MED12L: variants seen among roughly 807,000 people sequenced by gnomAD.
The protein encoded by MED12L is mediator complex subunit 12L, also known as mediator of RNA polymerase II transcription subunit 12-like protein.
A neutral mutation model predicts 281.3 loss-of-function variants in MED12L; 60 were observed. That is an observed-to-expected ratio of 0.21 (90% confidence interval 0.17 to 0.26). The LOEUF (loss-of-function observed/expected upper bound fraction) is 0.26, where lower values mean the gene tolerates loss of function less well. Ranked by LOEUF, MED12L falls within the 10% of genes least tolerant of loss-of-function variation. The pLI, the probability that MED12L is intolerant of heterozygous loss-of-function variation, is 1.00. For missense variants in MED12L, 2,146 were observed against 2,680.9 expected, an observed-to-expected ratio of 0.80 and a Z score of 4.41; for synonymous variants, 974 against 987.2, an observed-to-expected ratio of 0.99 and a Z score of 0.25.
intron 21 of MED12L, among the ~76,000 whole-genome samples, chr3:151,362,791 A>G (rs1052198086): frequency 4.6e-5 from 7 of 152,204 alleles, no homozygotes; most frequent in Non-Finnish European, 7.3e-5. Flanking sequence ...GTGTGAAAAT[A>G]TGAAATGGGT....
At chr3:151,125,793 A>AT (rs1240472483) in intron 4 of MED12L, among the ~76,000 whole-genome samples, 2 of 152,154 alleles carry the variant, frequency 1.3e-5, no homozygotes, top group African/African-American at 4.8e-5. Flanking sequence ...TGTAAGCCTG[A>AT]TTTTCAGGAA....
chr3:151,140,406 C>T (rs1212740760), intron 5 of MED12L, among the ~76,000 whole-genome samples: 3 of 152,146 alleles, frequency 2.0e-5, no homozygotes, highest in Non-Finnish European at 4.4e-5. Flanking sequence ...CCCCTTTCTC[C>T]CCCTCCACCA....
chr3:151,294,454 G>A, intron 16 of MED12L: 1 of 1,614,234 alleles, frequency 6.2e-7, no homozygotes, highest in Non-Finnish European at 8.5e-7. Context: ...ATGGTAGAAA[G>A]CAGGTAAAAA....
chr3:151,294,604 CA>C, intron 16 of MED12L: 1 of 1,614,186 alleles, frequency 6.2e-7, no homozygotes, highest in Non-Finnish European at 8.5e-7. Flanking sequence ...CGGCCACAAA[CA>C]AGCAGCTGTT....
chr3:151,149,031 GAAAT>G (rs1335331584), intron 5 of MED12L, among the ~76,000 whole-genome samples: 1 of 152,112 alleles, frequency 6.6e-6, no homozygotes. Flanking sequence ...AACTACAAAA[GAAAT>G]AAGTTTGTTT....
chr3:151,293,627 AATGAAG>A, intron 16 of MED12L, among the ~76,000 whole-genome samples: 8 of 66,520 alleles, frequency 1.2e-4, no homozygotes, highest in African/African-American at 2.8e-4. Context: ...ACGGTCCTAA[AATGAAG>A]CCCTTACACA....
At chr3:151,106,535 T>G (rs981805641) in intron 2 of MED12L, among the ~76,000 whole-genome samples, 1 of 152,138 alleles carries the variant, frequency 6.6e-6, no homozygotes, top group African/African-American at 2.4e-5. Flanking sequence ...AGCTCTTTAC[T>G]TGGTTCACAG....
chr3:151,282,371 T>G (rs1469649878), intron 16 of MED12L, among the ~76,000 whole-genome samples: 1 of 152,052 alleles, frequency 6.6e-6, no homozygotes, highest in East Asian at 1.9e-4. Flanking sequence ...TTTTTTTGTT[T>G]GTTTGTTTGT....
chr3:151,364,928 A>T, intron 21 of MED12L, 51 bp from the exon 22 acceptor site: 2 of 1,265,534 alleles, frequency 1.6e-6, no homozygotes, highest in Non-Finnish European at 2.3e-6. Context: ...ATAGTTTTCT[A>T]GTTATTCTAG....
At chr3:151,103,680 A>G (rs957954637) in intron 2 of MED12L, among the ~76,000 whole-genome samples, 2 of 152,228 alleles carry the variant, frequency 1.3e-5, no homozygotes, top group East Asian at 1.9e-4. Context: ...TTGTATCACA[A>G]CTGATTTCCA....
intron 32 of MED12L, among the ~76,000 whole-genome samples, chr3:151,382,319 C>G (rs910050167): frequency 6.6e-6 from 1 of 152,152 alleles, no homozygotes; most frequent in South Asian, 2.1e-4. Flanking sequence ...TTCTCTCTCT[C>G]CAGTGTTTTT....
chr3:151,131,415 A>T (rs1054107982), intron 5 of MED12L, among the ~76,000 whole-genome samples: 12 of 152,170 alleles, frequency 7.9e-5, no homozygotes, highest in Non-Finnish European at 1.3e-4. Flanking sequence ...AATCTAGGCA[A>T]CATAGTGAGA....
intron 5 of MED12L, among the ~76,000 whole-genome samples, chr3:151,140,276 T>G (rs749481867): frequency 1.3e-5 from 2 of 152,206 alleles, no homozygotes; most frequent in Admixed American, 6.5e-5. Flanking sequence ...AACATAAAAT[T>G]TACCATTGTA....
intron 38 of MED12L, among the ~76,000 whole-genome samples, chr3:151,390,995 G>A (rs1315142276): frequency 2.6e-5 from 4 of 152,046 alleles, no homozygotes; most frequent in African/African-American, 9.7e-5. Context: ...ATTTCTCTGT[G>A]CCTCATTTTG....
intron 39 of MED12L, among the ~76,000 whole-genome samples, chr3:151,404,990 T>G (rs1716124700): frequency 6.6e-6 from 1 of 152,200 alleles, no homozygotes; most frequent in Non-Finnish European, 1.5e-5. Context: ...CATTAAAAAT[T>G]TAAAACTTAT....
chr3:151,109,467 C>T (rs1276357874), intron 2 of MED12L, among the ~76,000 whole-genome samples: 1 of 152,178 alleles, frequency 6.6e-6, no homozygotes, highest in Non-Finnish European at 1.5e-5. Flanking sequence ...CTGTCTCCCT[C>T]GAATTGCTTT....
intron 16 of MED12L, among the ~76,000 whole-genome samples, chr3:151,280,530 C>T (rs1002410112): frequency 6.6e-6 from 1 of 152,124 alleles, no homozygotes; most frequent in African/African-American, 2.4e-5. Context: ...CCTCTGATTT[C>T]ATTTGTTGGT....
chr3:151,388,583 G>C (rs6798637), intron 37 of MED12L, among the ~76,000 whole-genome samples: 57,016 of 151,954 alleles, frequency 0.38, 11,173 homozygotes, highest in Middle Eastern at 0.48. Flanking sequence ...GCTCTATTTG[G>C]TTTTTCTTTG....
chr3:151,348,074 C>T (rs1319812473), intron 16 of MED12L, among the ~76,000 whole-genome samples: 2 of 152,228 alleles, frequency 1.3e-5, no homozygotes, highest in Non-Finnish European at 2.9e-5. Flanking sequence ...ATCTGTGCTC[C>T]TTGAAGACAG....
Sources: gnomAD v4.1 joint callset for allele counts (sites outside exome capture counted in the v4.1 genomes callset) on GRCh38, gnomAD v4.1.1 for gene constraint, MANE v1.5 for transcripts, NCBI Gene and HGNC (gene_info 2026-07-23, HGNC 2026-07-21) for gene names.